GRIP1: variants seen among roughly 807,000 people sequenced by gnomAD.
The protein encoded by GRIP1 is glutamate receptor-interacting protein 1.
In GRIP1, 45 loss-of-function variants were observed where a neutral mutation model predicts 129.9. That is an observed-to-expected ratio of 0.35 (90% confidence interval 0.27 to 0.44). GRIP1 has a LOEUF of 0.44. Ranked by LOEUF, GRIP1 falls within the 20% of genes least tolerant of loss-of-function variation. GRIP1 has a pLI of 1.00. For missense variants in GRIP1, 1,196 were observed against 1,396.8 expected (o/e 0.86, Z 2.29); for synonymous variants, 530 against 520.8 (o/e 1.02, Z -0.24).
chr12:66,542,783 A>C (rs1389329), intron 2 of GRIP1, among the ~76,000 whole-genome samples: 104,570 of 152,028 alleles, frequency 0.69, 36,438 homozygotes, highest in African/African-American at 0.81. Flanking sequence ...TTTTAAAATT[A>C]TCTGTGATGT....
intron 1 of GRIP1, among the ~76,000 whole-genome samples, chr12:66,788,459 T>C (rs183700693): frequency 6.6e-6 from 1 of 152,124 alleles, no homozygotes; most frequent in Admixed American, 6.5e-5. Context: ...TAGGGAGATG[T>C]AATCCCTTCC....
At chr12:67,050,809 C>T (rs1195262274) in intron 1 of GRIP1, among the ~76,000 whole-genome samples, 1 of 152,116 alleles carries the variant, frequency 6.6e-6, no homozygotes, top group East Asian at 1.9e-4. Flanking sequence ...ACCCCTTTTC[C>T]TCAACTCACC....
intron 1 of GRIP1, among the ~76,000 whole-genome samples, chr12:66,980,597 G>A (rs540422338): frequency 2.0e-5 from 3 of 152,304 alleles, no homozygotes; most frequent in Admixed American, 2.0e-4. Flanking sequence ...GCAACAGAGC[G>A]AGACTCCGTC....
chr12:66,692,777 G>A (rs924538892), intron 1 of GRIP1, among the ~76,000 whole-genome samples: 4 of 152,182 alleles, frequency 2.6e-5, no homozygotes, highest in African/African-American at 4.8e-5. Context: ...AGTGATAAGA[G>A]TGTGGGCTCT....
At chr12:66,651,246 C>T (rs915727278) in intron 1 of GRIP1, among the ~76,000 whole-genome samples, 1 of 152,160 alleles carries the variant, frequency 6.6e-6, no homozygotes, top group Non-Finnish European at 1.5e-5. Flanking sequence ...CCATTTATCT[C>T]CTTAAATTTA....
intron 14 of GRIP1, among the ~76,000 whole-genome samples, chr12:66,424,751 CT>C (rs1298143611): frequency 6.6e-6 from 1 of 152,024 alleles, no homozygotes. Context: ...TTTTTGTTTG[CT>C]TTGTTTTCTT....
At chr12:66,684,449 C>T (rs2034704002) in intron 1 of GRIP1, among the ~76,000 whole-genome samples, 1 of 152,142 alleles carries the variant, frequency 6.6e-6, no homozygotes, top group African/African-American at 2.4e-5. Flanking sequence ...ATGTTGGTCA[C>T]CTTCTTCAGC....
chr12:66,859,298 AACAAAAAAAAAC>A (rs1385336430), intron 1 of GRIP1, among the ~76,000 whole-genome samples: 6 of 14,392 alleles, frequency 4.2e-4, no homozygotes, highest in South Asian at 3.6e-3. Context: ...AAAACAAAAA[AACAAAAAAAAAC>A]CAGTATTAGC....
At chr12:66,979,355 C>A (rs1026679342) in intron 1 of GRIP1, among the ~76,000 whole-genome samples, 2 of 134,218 alleles carry the variant, frequency 1.5e-5, no homozygotes, top group African/African-American at 5.6e-5. Flanking sequence ...AAAAAAAAAA[C>A]AACTCAATGA....
At chr12:66,653,589 G>A (rs540663159) in intron 1 of GRIP1, among the ~76,000 whole-genome samples, 7 of 152,240 alleles carry the variant, frequency 4.6e-5, no homozygotes, top group African/African-American at 1.4e-4. Context: ...GTCACTGTGG[G>A]AGGATATCGA....
At chr12:66,931,794 C>CA (rs2041400486) in intron 1 of GRIP1, among the ~76,000 whole-genome samples, 3 of 151,926 alleles carry the variant, frequency 2.0e-5, no homozygotes, top group Non-Finnish European at 4.4e-5. Context: ...TAACACTATC[C>CA]AAAAATGTCT....
chr12:66,652,010 G>A (rs1024838027), intron 1 of GRIP1, among the ~76,000 whole-genome samples: 2 of 152,150 alleles, frequency 1.3e-5, no homozygotes, highest in Non-Finnish European at 2.9e-5. Flanking sequence ...GTTCTGAGGA[G>A]TATGTTGAAA....
rs1392714398 is a variant in GRIP1 at position 66,348,333 on chromosome 12, T to A, written c.*686A>T. ...CAGAGATTTTCAGCTATTAAAAATG[T>A]GTCCTTAAAAAAAAAACAGGTCACA... On this transcript the variant is annotated 3_prime_UTR_variant, in exon 25 of 25. Transcript: ENST00000359742. The A allele has an allele frequency of 6.6e-6, 1 of 151,430 alleles. No individual in the cohort carries two copies. Among genetic ancestry groups the A allele is most frequent in the Admixed American group, 6.6e-5 (1 of 15,212 alleles). The allele number at this position is 151,430 out of a possible 1,614,324, so 9.4% of individuals were successfully genotyped here.
At chr12:66,439,625 A>T (rs1001560394) in intron 13 of GRIP1, among the ~76,000 whole-genome samples, 1 of 152,202 alleles carries the variant, frequency 6.6e-6, no homozygotes, top group African/African-American at 2.4e-5. Context: ...CTGAGGACAT[A>T]ATCATAGTAA....
chr12:66,982,639 C>T (rs2042255389), intron 1 of GRIP1, among the ~76,000 whole-genome samples: 1 of 152,146 alleles, frequency 6.6e-6, no homozygotes, highest in Admixed American at 6.5e-5. Context: ...TCCAACAACG[C>T]TTTAGAAATT....
At chr12:66,445,249 T>G in intron 12 of GRIP1, 73 bp downstream of exon 12, 4 of 1,148,772 alleles carry the variant, frequency 3.5e-6, no homozygotes. Flanking sequence ...TTTCATAATT[T>G]ACTAGCCATT....
At chr12:66,357,579 C>T (rs1158038232) in intron 23 of GRIP1, among the ~76,000 whole-genome samples, 1 of 151,928 alleles carries the variant, frequency 6.6e-6, no homozygotes, top group Non-Finnish European at 1.5e-5. Flanking sequence ...TTATTGATCA[C>T]TGTCTGAATC....
intron 1 of GRIP1, among the ~76,000 whole-genome samples, chr12:66,692,045 G>A (rs1417347527): frequency 6.6e-6 from 1 of 152,174 alleles, no homozygotes; most frequent in Non-Finnish European, 1.5e-5. Flanking sequence ...GACAGCTTTG[G>A]AGTAGATTTA....
intron 1 of GRIP1, among the ~76,000 whole-genome samples, chr12:66,978,303 A>G (rs1412433739): frequency 3.3e-5 from 5 of 152,202 alleles, no homozygotes; most frequent in African/African-American, 4.8e-5. Flanking sequence ...AAAAATAACT[A>G]AAAAGCACTA....
Sources: allele counts gnomAD v4.1 joint callset (sites outside exome capture counted in the v4.1 genomes callset), GRCh38; gene constraint gnomAD v4.1.1; transcripts MANE v1.5; gene names NCBI Gene and HGNC (gene_info 2026-07-23, HGNC 2026-07-21).